The following THEMIS variants were observed in gnomAD, a reference collection of about 807,000 sequenced individuals.
The protein encoded by THEMIS is protein THEMIS.
A neutral mutation model predicts 52.6 loss-of-function variants in THEMIS; 37 were observed. The observed-to-expected ratio is 0.70, with a 90% CI of 0.54 to 0.93. The LOEUF (loss-of-function observed/expected upper bound fraction) is 0.93. THEMIS is among the 40% of genes least tolerant of loss of function. THEMIS has a pLI of 0.00. For synonymous variants in THEMIS, 292 were observed against 272.7 expected (o/e 1.07, Z -0.70); for missense variants, 808 against 763.1 (o/e 1.06, Z -0.69).
At chr6:127,740,378 GTAGA>G (rs1205052120) in intron 4 of THEMIS, among the ~76,000 whole-genome samples, 4 of 152,108 alleles carry the variant, frequency 2.6e-5, no homozygotes, top group African/African-American at 9.7e-5. Flanking sequence ...GTGACCCCTG[GTAGA>G]TAGCCTCTAG....
chr6:127,726,418 G>T (rs1367335941), intron 4 of THEMIS, among the ~76,000 whole-genome samples: 2 of 152,118 alleles, frequency 1.3e-5, no homozygotes, highest in African/African-American at 2.4e-5. Flanking sequence ...TAACTGATTA[G>T]AAATCATCTC....
intron 4 of THEMIS, among the ~76,000 whole-genome samples, chr6:127,804,339 T>C (rs1214324577): frequency 6.6e-6 from 1 of 152,140 alleles, no homozygotes; most frequent in African/African-American, 2.4e-5. Flanking sequence ...GGATTGACCA[T>C]AAAATCTGGC....
rs1032702812 is a variant in THEMIS, at chr6:127,754,084, T to C, written c.1759-34261A>G. Among the ~76,000 whole-genome samples, 4 of 152,180 alleles carry C rather than the reference T, an allele frequency of 2.6e-5. No individual in the cohort carries two copies. The East Asian group carries it at 5.8e-4, about 22-fold the overall frequency. Reference sequence around the variant, plus strand: ...TGTGCAGATTTTTACATGTCAATCATACCTCAATAAATTATCTTAAAGAAG... The same window carrying C: ...TGTGCAGATTTTTACATGTCAATCACACCTCAATAAATTATCTTAAAGAAG... On this transcript the variant is annotated intron_variant, in intron 4 of 5. Coordinates refer to ENST00000368248, the MANE Select transcript of THEMIS (RefSeq NM_001010923.3).
rs1469606568 is a variant in THEMIS, at chr6:127,812,961, G to T, written c.1680C>A (p.His560Gln). 5.0e-6 allele frequency: 8 copies of T among 1,613,940 alleles called. No homozygotes were observed. The highest frequency in any genetic ancestry group is 1.1e-5 in the South Asian group (1 of 91,072). ...ASHPPPRPPK[H>Q]PSVEETKLTL... ...TTAACTTTGTTTCCTCTACTGAGGGGTGTTTCGGAGGGCGAGGTGGGGGAT... is the reference window on the plus strand; with the variant it reads ...TTAACTTTGTTTCCTCTACTGAGGGTTGTTTCGGAGGGCGAGGTGGGGGAT... Residue 560 changes from histidine to glutamine, a missense_variant, in exon 4 of 6, where the codon CAC becomes CAA. Coordinates refer to ENST00000368248, the MANE Select transcript of THEMIS (RefSeq NM_001010923.3).
chr6:127,895,139 G>A (rs1009654610), intron 1 of THEMIS, among the ~76,000 whole-genome samples: 13 of 150,900 alleles, frequency 8.6e-5, no homozygotes, highest in Non-Finnish European at 1.5e-4. Context: ...CTATTTATTC[G>A]GAAAACTCCT....
upstream of THEMIS, among the ~76,000 whole-genome samples, chr6:127,902,836 A>T (rs1781178397): frequency 6.6e-6 from 1 of 152,054 alleles, no homozygotes; most frequent in African/African-American, 2.4e-5. Flanking sequence ...GCTCCTTAAA[A>T]ATTATGAATC....
At chr6:127,892,527 A>G (rs1372237175) in intron 1 of THEMIS, among the ~76,000 whole-genome samples, 1 of 152,094 alleles carries the variant, frequency 6.6e-6, no homozygotes, top group African/African-American at 2.4e-5. Flanking sequence ...TCCCAACTGT[A>G]ATTCTAGACC....
chr6:127,816,836 C>T (rs959612633), intron 3 of THEMIS, among the ~76,000 whole-genome samples: 2 of 152,194 alleles, frequency 1.3e-5, no homozygotes, highest in South Asian at 4.1e-4. Flanking sequence ...CTTTGTCTCA[C>T]TCTAACTCCC....
chr6:127,737,096 T>C (rs1455695597), intron 4 of THEMIS, among the ~76,000 whole-genome samples: 1 of 152,128 alleles, frequency 6.6e-6, no homozygotes, highest in Non-Finnish European at 1.5e-5. Flanking sequence ...TGTGTTTTGG[T>C]AGTAATTATA....
At chr6:127,802,766 C>T (rs540862830) in intron 4 of THEMIS, among the ~76,000 whole-genome samples, 25 of 152,244 alleles carry the variant, frequency 1.6e-4, no homozygotes, top group East Asian at 7.7e-4. Context: ...ACTACATTAC[C>T]GACAATTCAT....
intron 3 of THEMIS, among the ~76,000 whole-genome samples, chr6:127,820,760 C>G (rs908724254): frequency 6.6e-6 from 1 of 151,998 alleles, no homozygotes; most frequent in Non-Finnish European, 1.5e-5. Context: ...TTATATTACT[C>G]TCTCATGTCT....
chr6:127,733,906 G>A, intron 4 of THEMIS, among the ~76,000 whole-genome samples: 1 of 152,118 alleles, frequency 6.6e-6, no homozygotes, highest in East Asian at 1.9e-4. Context: ...AAGGAATCTA[G>A]TAATAGGAGA....
upstream of THEMIS, among the ~76,000 whole-genome samples, chr6:127,903,979 C>A (rs1583414398): frequency 2.0e-5 from 3 of 152,150 alleles, no homozygotes; most frequent in Admixed American, 2.0e-4. Context: ...TAAAGCAGAG[C>A]AGAACCATTA....
chr6:127,868,585 T>C (rs1477889287), intron 1 of THEMIS: 1 of 464,922 alleles, frequency 2.2e-6, no homozygotes, highest in Non-Finnish European at 2.8e-6. Flanking sequence ...GGATGACTCA[T>C]AGCTTTGGCT....
intron 4 of THEMIS, among the ~76,000 whole-genome samples, chr6:127,754,277 A>C (rs1775746539): frequency 6.6e-6 from 1 of 152,202 alleles, no homozygotes. Flanking sequence ...CCTCTTCCAC[A>C]GCAGTTGCTT....
intron 1 of THEMIS, among the ~76,000 whole-genome samples, chr6:127,912,758 G>T (rs1045622622): frequency 6.6e-6 from 1 of 152,134 alleles, no homozygotes; most frequent in Non-Finnish European, 1.5e-5. Context: ...AAGTTTAAAG[G>T]TGTTAAGCAA....
chr6:127,882,906 G>T (rs926709300), intron 1 of THEMIS, among the ~76,000 whole-genome samples: 1 of 151,740 alleles, frequency 6.6e-6, no homozygotes, highest in Non-Finnish European at 1.5e-5. Flanking sequence ...AATTATATGG[G>T]CATTAAAGTA....
At chr6:127,796,376 C>A (rs908748928) in intron 4 of THEMIS, among the ~76,000 whole-genome samples, 1 of 152,064 alleles carries the variant, frequency 6.6e-6, no homozygotes, top group African/African-American at 2.4e-5. Flanking sequence ...CCTACAAGTG[C>A]GTTTTTAGTG....
chr6:127,771,956 T>A (rs1776401252), intron 4 of THEMIS, among the ~76,000 whole-genome samples: 1 of 152,154 alleles, frequency 6.6e-6, no homozygotes, highest in Non-Finnish European at 1.5e-5. Flanking sequence ...TAGTTTTATG[T>A]TTTTAAAAAA....
Sources: allele counts gnomAD v4.1 joint callset (sites outside exome capture counted in the v4.1 genomes callset), GRCh38; gene constraint gnomAD v4.1.1; transcripts MANE v1.5; gene names NCBI Gene and HGNC (gene_info 2026-07-23, HGNC 2026-07-21).